The following NSMCE2 variants were observed in gnomAD, a reference collection of about 807,000 sequenced individuals.
NSMCE2 encodes NSE2 SUMO ligase component of SMC5/6 complex.
NSMCE2 carries 24 observed loss-of-function variants against 23.8 expected under a neutral mutation model. The observed-to-expected ratio is 1.01, with a 90% CI of 0.73 to 1.42. The LOEUF is 1.42. Ranked by LOEUF, NSMCE2 falls within the 40% of genes most tolerant of loss-of-function variation. NSMCE2 has a pLI of 0.00. For synonymous variants in NSMCE2, 92 were observed against 94.1 expected (o/e 0.98, Z 0.13); for missense variants, 284 against 296.5 (o/e 0.96, Z 0.31).
intron 3 of NSMCE2, among the ~76,000 whole-genome samples, chr8:125,139,787 T>C: frequency 6.6e-6 from 1 of 152,330 alleles, no homozygotes; most frequent in South Asian, 2.1e-4. Flanking sequence ...CATATATTTG[T>C]TTGCCCTTAT....
intron 5 of NSMCE2, among the ~76,000 whole-genome samples, chr8:125,193,909 G>T (rs1052855852): frequency 2.6e-5 from 4 of 152,112 alleles, no homozygotes; most frequent in Admixed American, 2.6e-4. Flanking sequence ...CCCATTAACT[G>T]TATGTCGTTG....
intron 5 of NSMCE2, among the ~76,000 whole-genome samples, chr8:125,262,454 T>C (rs1034869525): frequency 4.6e-5 from 7 of 152,088 alleles, no homozygotes; most frequent in Middle Eastern, 3.2e-3. Flanking sequence ...GTATACAATT[T>C]TGTGAAAGTA....
rs959748187 is a variant in NSMCE2, at chr8:125,366,356, C to T, written c.627-412C>T. On this transcript the variant is annotated intron_variant, in intron 7 of 7. Transcript: ENST00000287437. ...GAGATCGAGACCATCCTGGCTAACA[C>T]GGTGAAACCCTGACTCTATTAAAAA... Among the ~76,000 whole-genome samples, 6 of 152,108 alleles carry T rather than the reference C, an allele frequency of 3.9e-5. No individual in the cohort carries two copies. In the East Asian group the frequency reaches 9.6e-4, roughly 24 times the overall value.
intron 4 of NSMCE2, among the ~76,000 whole-genome samples, chr8:125,169,928 T>C (rs1241876621): frequency 6.8e-6 from 1 of 146,454 alleles, no homozygotes; most frequent in Non-Finnish European, 1.5e-5. Context: ...CTGGGAGTGC[T>C]TTTTTTTTTT....
At chr8:125,233,951 C>T (rs766641694) in intron 5 of NSMCE2, among the ~76,000 whole-genome samples, 2 of 144,636 alleles carry the variant, frequency 1.4e-5, no homozygotes, top group South Asian at 2.1e-4. Context: ...CTGAGGCAGG[C>T]GGATCATGAA....
intron 7 of NSMCE2, chr8:125,363,250 C>T (rs1239550705): frequency 1.3e-5 from 2 of 152,354 alleles, no homozygotes; most frequent in Admixed American, 1.3e-4. Flanking sequence ...TGCCTGTAAT[C>T]CCAGCACTTT....
chr8:125,314,672 CA>C (rs1386690556), intron 5 of NSMCE2, among the ~76,000 whole-genome samples: 1 of 152,224 alleles, frequency 6.6e-6, no homozygotes, highest in Non-Finnish European at 1.5e-5. Flanking sequence ...TATTTTTTCA[CA>C]CCTCTGGAAG....
At position 125,261,047 on chromosome 8, in the gene NSMCE2, AAAG is replaced by A. The variant is rs1342354805; in HGVS notation, c.418+78795_418+78797del. Among the ~76,000 whole-genome samples, 5 of 152,360 alleles carry A rather than the reference AAAG, an allele frequency of 3.3e-5. No homozygotes were observed. The East Asian group carries it at 9.6e-4, about 29-fold the overall frequency. On this transcript the variant is annotated intron_variant, in intron 5 of 7. Coordinates refer to ENST00000287437, the MANE Select transcript of NSMCE2 (RefSeq NM_173685.4). ...AGAAAAGTATATAATCATTCTGAGAAAAGAAGCCTCGATATTTACATTTCGGTG... is the reference window on the plus strand; with the variant it reads ...AGAAAAGTATATAATCATTCTGAGAAAAGCCTCGATATTTACATTTCGGTG...
chr8:125,140,701 A>G (rs1586499432), intron 3 of NSMCE2, among the ~76,000 whole-genome samples: 1 of 151,936 alleles, frequency 6.6e-6, no homozygotes, highest in Admixed American at 6.6e-5. Context: ...CTTGGCTGCC[A>G]CAAATTCATG....
At chr8:125,097,931 C>A (rs1404932153) in intron 1 of NSMCE2, among the ~76,000 whole-genome samples, 1 of 152,030 alleles carries the variant, frequency 6.6e-6, no homozygotes, top group East Asian at 1.9e-4. Flanking sequence ...GAGTTAGGAC[C>A]AACCCTTCCT....
chr8:125,122,985 C>T (rs1295497753), intron 3 of NSMCE2, among the ~76,000 whole-genome samples: 4 of 152,050 alleles, frequency 2.6e-5, no homozygotes, highest in South Asian at 2.1e-4. Context: ...TTTACTCATC[C>T]GTGGTCTAGA....
intron 5 of NSMCE2, 160 bp downstream of exon 5, chr8:125,182,416 A>C (rs1822875020): frequency 2.9e-6 from 2 of 690,690 alleles, no homozygotes; most frequent in African/African-American, 1.9e-5. Flanking sequence ...TATTTTGTCT[A>C]ATTTTTGGTT....
intron 5 of NSMCE2, among the ~76,000 whole-genome samples, chr8:125,333,671 C>A (rs1038546708): frequency 1.3e-5 from 2 of 151,370 alleles, no homozygotes; most frequent in African/African-American, 4.9e-5. Flanking sequence ...CCCGCCACTA[C>A]GCCCGGCTAT....
intron 5 of NSMCE2, among the ~76,000 whole-genome samples, chr8:125,335,303 G>A (rs188401686): frequency 4.2e-4 from 64 of 152,220 alleles, no homozygotes; most frequent in Admixed American, 1.2e-3. Flanking sequence ...CATGTTTAGC[G>A]TTTTACATAA....
chr8:125,110,267 A>T (rs1818663515), intron 3 of NSMCE2, among the ~76,000 whole-genome samples: 1 of 152,212 alleles, frequency 6.6e-6, no homozygotes, highest in African/African-American at 2.4e-5. Flanking sequence ...TAAAAGTTTT[A>T]CCAGATTCTT....
chr8:125,272,075 G>A (rs1237852824), intron 5 of NSMCE2, among the ~76,000 whole-genome samples: 2 of 146,866 alleles, frequency 1.4e-5, no homozygotes, highest in African/African-American at 2.5e-5. Flanking sequence ...GTGCAATGGC[G>A]CTATCTCAGC....
intron 5 of NSMCE2, among the ~76,000 whole-genome samples, chr8:125,218,205 A>T (rs140093788): frequency 6.6e-6 from 1 of 152,306 alleles, no homozygotes; most frequent in East Asian, 1.9e-4. Context: ...AAGCAGACTG[A>T]TATTTTTTAC....
At chr8:125,138,397 T>C (rs1374294228) in intron 3 of NSMCE2, among the ~76,000 whole-genome samples, 2 of 152,042 alleles carry the variant, frequency 1.3e-5, no homozygotes, top group Non-Finnish European at 2.9e-5. Context: ...GGCTGATTTT[T>C]TTATTTTTAG....
chr8:125,164,160 G>A (rs1037657060), intron 4 of NSMCE2, among the ~76,000 whole-genome samples: 1 of 152,208 alleles, frequency 6.6e-6, no homozygotes, highest in African/African-American at 2.4e-5. Context: ...CTTTCCCTCA[G>A]TGAAAGGGTG....
Sources: gnomAD v4.1 joint callset for allele counts (sites outside exome capture counted in the v4.1 genomes callset) on GRCh38, gnomAD v4.1.1 for gene constraint, MANE v1.5 for transcripts, NCBI Gene and HGNC (gene_info 2026-07-23, HGNC 2026-07-21) for gene names.